The following ATXN8OS variants were observed in gnomAD, a reference collection of about 807,000 sequenced individuals.
The protein encoded by ATXN8OS is ATXN8 opposite strand lncRNA, also known as ATXN8 opposite strand (non-protein coding).
At chr13:70,145,589 A>C (rs1176707255) in intron 3 of ATXN8OS, among the ~76,000 whole-genome samples, 1 of 152,136 alleles carries the variant, frequency 6.6e-6, no homozygotes, top group Admixed American at 6.5e-5. Flanking sequence ...TTGGATTCCT[A>C]GGTATTTTAT....
intron 2 of ATXN8OS, among the ~76,000 whole-genome samples, chr13:70,116,454 G>A (rs1029182717): frequency 5.9e-5 from 9 of 152,154 alleles, no homozygotes; most frequent in Admixed American, 3.9e-4. Context: ...AGAAGGAATA[G>A]AAAAGCAAGG....
At chr13:70,133,937 C>T (rs1888569888) in intron 3 of ATXN8OS, among the ~76,000 whole-genome samples, 1 of 152,204 alleles carries the variant, frequency 6.6e-6, no homozygotes, top group African/African-American at 2.4e-5. Flanking sequence ...CAGTCATATC[C>T]TTCCAGAAAT....
Position 70,119,726 on chromosome 13 carries a change from C to G in ATXN8OS, n.398+4428C>G, listed in dbSNP as rs117719300. Among the ~76,000 whole-genome samples, 24 of 152,124 alleles carry G rather than the reference C, an allele frequency of 1.6e-4. No individual in the cohort carries two copies. In the East Asian group the frequency reaches 3.1e-3, roughly 20 times the overall value. ...CATAAGTGAAAAATTTAGCACCTGA[C>G]TTCATGTGACAGGCAGAAGTCAAAA... On this transcript the variant is annotated intron_variant and non_coding_transcript_variant, in intron 2 of 4. Transcript: ENST00000678624.
At chr13:70,146,066 GAAA>G (rs36136268) in intron 3 of ATXN8OS, among the ~76,000 whole-genome samples, 2 of 118,244 alleles carry the variant, frequency 1.7e-5, no homozygotes, top group Admixed American at 8.5e-5. Context: ...AAATTTACAA[GAAA>G]AAAAAAAAAC....
At chr13:70,152,103 A>C (rs1888875514) in intron 4 of ATXN8OS, among the ~76,000 whole-genome samples, 1 of 152,016 alleles carries the variant, frequency 6.6e-6, no homozygotes, top group African/African-American at 2.4e-5. Flanking sequence ...CATTCATAAT[A>C]ATTTCCTTAT....
At chr13:70,123,669 T>C (rs1232176294) in intron 2 of ATXN8OS, among the ~76,000 whole-genome samples, 2 of 152,108 alleles carry the variant, frequency 1.3e-5, no homozygotes, top group African/African-American at 4.8e-5. Flanking sequence ...AAATATATTA[T>C]GTTAAGCCAA....
intron 4 of ATXN8OS, among the ~76,000 whole-genome samples, chr13:70,164,612 T>C (rs1021747880): frequency 6.6e-5 from 10 of 152,022 alleles, no homozygotes; most frequent in Non-Finnish European, 1.5e-4. Context: ...ATGTTACAAA[T>C]ACAAATAATT....
intron 2 of ATXN8OS, among the ~76,000 whole-genome samples, chr13:70,122,226 A>G (rs1457411010): frequency 6.6e-6 from 1 of 151,786 alleles, no homozygotes; most frequent in Non-Finnish European, 1.5e-5. Context: ...AAACTCAAAA[A>G]TTTTACTCTA....
chr13:70,158,957 C>A (rs1031102697), intron 4 of ATXN8OS, among the ~76,000 whole-genome samples: 23 of 152,032 alleles, frequency 1.5e-4, no homozygotes, highest in Admixed American at 1.3e-3. Flanking sequence ...GAAATTAGTT[C>A]AAATATAAAT....
chr13:70,112,919 A>T (rs374249085), intron 1 of ATXN8OS, among the ~76,000 whole-genome samples: 1 of 123,050 alleles, frequency 8.1e-6, no homozygotes, highest in African/African-American at 3.2e-5. Flanking sequence ...TTATATATAT[A>T]ATTTTTTTTT....
intron 3 of ATXN8OS, chr13:70,139,125 T>C (rs554576993): frequency 4.9e-6 from 2 of 405,398 alleles, no homozygotes; most frequent in Non-Finnish European, 8.7e-6. Context: ...AGGTTTTTCC[T>C]AGTTCTTGGC....
At chr13:70,126,695 C>T (rs193182172) in intron 2 of ATXN8OS, among the ~76,000 whole-genome samples, 206 of 151,440 alleles carry the variant, frequency 1.4e-3, no homozygotes, top group African/African-American at 4.6e-3. Flanking sequence ...AGATGTATTA[C>T]AGTTTAGATA....
intron 2 of ATXN8OS, among the ~76,000 whole-genome samples, chr13:70,116,488 G>A (rs1298168368): frequency 6.6e-6 from 1 of 152,166 alleles, no homozygotes. Flanking sequence ...ATAAAGTTTG[G>A]TGTATTTAAG....
chr13:70,116,710 A>G (rs940244714), intron 2 of ATXN8OS, among the ~76,000 whole-genome samples: 7 of 152,156 alleles, frequency 4.6e-5, no homozygotes, highest in Non-Finnish European at 8.8e-5. Flanking sequence ...TCACTCTGGC[A>G]GATGTGATAG....
At chr13:70,126,674 T>C (rs1387388570) in intron 2 of ATXN8OS, among the ~76,000 whole-genome samples, 1 of 151,818 alleles carries the variant, frequency 6.6e-6, no homozygotes, top group Non-Finnish European at 1.5e-5. Context: ...GATAGCTATG[T>C]CTCGGTAGAT....
intron 3 of ATXN8OS, among the ~76,000 whole-genome samples, chr13:70,138,004 T>C (rs549205756): frequency 6.0e-4 from 92 of 152,274 alleles, no homozygotes; most frequent in African/African-American, 2.2e-3. Context: ...TACACACTTT[T>C]AAATGACCAG....
intron 4 of ATXN8OS, among the ~76,000 whole-genome samples, chr13:70,158,916 A>G (rs1223259477): frequency 6.6e-6 from 1 of 152,218 alleles, no homozygotes; most frequent in Non-Finnish European, 1.5e-5. Context: ...GACTGCTCTT[A>G]AGAGCCGAAG....
chr13:70,110,951 AAC>A lies in ATXN8OS; in HGVS notation n.240+2937_240+2938del, dbSNP rs1011617361. Among the ~76,000 whole-genome samples the A allele has an allele frequency of 2.8e-4, 43 of 152,302 alleles. 1 individual carries two copies. Among genetic ancestry groups the A allele is most frequent in the African/African-American group, 1.0e-3 (43 of 41,570 alleles). On this transcript the variant is annotated intron_variant and non_coding_transcript_variant, in intron 1 of 4. Coordinates refer to ENST00000678624, the Ensembl canonical transcript of ATXN8OS. ...AAGACCACTTTTAACAATCCCAACAAACACACTTTGTTTTAAAGACAGAAACT... is the reference window on the plus strand; with the variant it reads ...AAGACCACTTTTAACAATCCCAACAAACACTTTGTTTTAAAGACAGAAACT...
chr13:70,169,080 C>T (rs1889113013), intron 4 of ATXN8OS, among the ~76,000 whole-genome samples: 1 of 151,836 alleles, frequency 6.6e-6, no homozygotes, highest in Non-Finnish European at 1.5e-5. Context: ...CAGGGATAGA[C>T]TAGATAATGC....
Sources: gnomAD v4.1 joint callset for allele counts (sites outside exome capture counted in the v4.1 genomes callset) on GRCh38, gnomAD v4.1.1 for gene constraint, MANE v1.5 for transcripts, NCBI Gene and HGNC (gene_info 2026-07-23, HGNC 2026-07-21) for gene names.